Variants in CORO2A observed in about 807,000 individuals in gnomAD.
CORO2A encodes coronin-2A.
Under a neutral mutation model 62.4 loss-of-function variants are expected in CORO2A, and 47 were observed. That is an observed-to-expected ratio of 0.75 (90% CI 0.60 to 0.96). The LOEUF (loss-of-function observed/expected upper bound fraction) is 0.96. Among genes scored for constraint, CORO2A ranks in the 40% least tolerant of loss-of-function variants. CORO2A has a pLI of 0.00. For synonymous variants in CORO2A, 273 were observed against 268.9 expected, an observed-to-expected ratio of 1.02 and a Z score of -0.15; for missense variants, 610 against 684.1, an observed-to-expected ratio of 0.89 and a Z score of 1.21.
chr9:98,168,821 C>T (rs1277745159), intron 1 of CORO2A, among the ~76,000 whole-genome samples: 3 of 152,210 alleles, frequency 2.0e-5, no homozygotes, highest in South Asian at 2.1e-4. Flanking sequence ...CCAAGTGGCT[C>T]GTGAGAGTTC....
At chr9:98,148,394 C>CAAAAA (rs34087370) in intron 2 of CORO2A, among the ~76,000 whole-genome samples, 1 of 104,014 alleles carries the variant, frequency 9.6e-6, no homozygotes, top group African/African-American at 3.7e-5. Flanking sequence ...GACTCCATCT[C>CAAAAA]AAAAAAAAAA....
At chr9:98,164,406 A>G (rs536204727) in intron 1 of CORO2A, among the ~76,000 whole-genome samples, 1 of 152,208 alleles carries the variant, frequency 6.6e-6, no homozygotes, top group Non-Finnish European at 1.5e-5. Flanking sequence ...TCAGTCATCC[A>G]GAATCCTTAT....
intron 9 of CORO2A, 75 bp downstream of exon 9, chr9:98,128,532 G>T: frequency 2.2e-6 from 3 of 1,334,698 alleles, no homozygotes; most frequent in Non-Finnish European, 2.2e-6. Flanking sequence ...AGGCTCTGGT[G>T]CCCGACAGCC....
intron 3 of CORO2A, 112 bp downstream of exon 3, chr9:98,137,455 GACCTC>G (rs1224514340): frequency 1.2e-6 from 1 of 814,940 alleles, no homozygotes; most frequent in East Asian, 2.4e-5. Flanking sequence ...CCCACACAGT[GACCTC>G]ACCTCCGCGA....
At chr9:98,177,867 G>A (rs1828129726) in intron 1 of CORO2A, among the ~76,000 whole-genome samples, 1 of 152,072 alleles carries the variant, frequency 6.6e-6, no homozygotes. Flanking sequence ...CAGAGTGACT[G>A]TAAATATCTA....
At chr9:98,191,968 C>T (rs1004469942) in intron 1 of CORO2A, among the ~76,000 whole-genome samples, 2 of 152,210 alleles carry the variant, frequency 1.3e-5, no homozygotes, top group African/African-American at 2.4e-5. Flanking sequence ...CGCCAGGAGT[C>T]CAGCCACCTC....
chr9:98,125,770 C>A (rs1440991521), intron 11 of CORO2A, among the ~76,000 whole-genome samples: 1 of 126,916 alleles, frequency 7.9e-6, no homozygotes, highest in Admixed American at 9.7e-5. Context: ...CAGGCTGGAG[C>A]GCAGTGGTGT....
intron 2 of CORO2A, among the ~76,000 whole-genome samples, chr9:98,147,599 G>C (rs2093392600): frequency 6.6e-6 from 1 of 152,172 alleles, no homozygotes; most frequent in African/African-American, 2.4e-5. Context: ...GTCAGATTTA[G>C]CAAGTAAAAC....
chr9:98,155,079 AT>A (rs1218130198), intron 2 of CORO2A, among the ~76,000 whole-genome samples: 1 of 152,134 alleles, frequency 6.6e-6, no homozygotes, highest in Non-Finnish European at 1.5e-5. Flanking sequence ...ACTTGCTGTC[AT>A]TTACTAGTGT....
chr9:98,139,898 T>C (rs1259329965), intron 2 of CORO2A, among the ~76,000 whole-genome samples: 1 of 152,210 alleles, frequency 6.6e-6, no homozygotes, highest in African/African-American at 2.4e-5. Context: ...TGAGAATTCC[T>C]GTATAGGTGC....
chr9:98,125,964 C>T (rs1353645340), intron 11 of CORO2A, among the ~76,000 whole-genome samples: 3 of 151,818 alleles, frequency 2.0e-5, no homozygotes, highest in Non-Finnish European at 4.4e-5. Flanking sequence ...GAGATCCACC[C>T]GCCTTGGCCT....
chr9:98,159,313 G>A (rs1001889759), intron 1 of CORO2A, among the ~76,000 whole-genome samples: 2 of 152,096 alleles, frequency 1.3e-5, no homozygotes, highest in African/African-American at 2.4e-5. Flanking sequence ...CCTCTCAAAG[G>A]TTGGGATTAA....
intron 1 of CORO2A, among the ~76,000 whole-genome samples, chr9:98,190,929 G>A (rs1253434569): frequency 6.6e-6 from 1 of 152,212 alleles, no homozygotes; most frequent in Admixed American, 6.5e-5. Context: ...TGGCCGCAGG[G>A]CAAGGTCATA....
intron 2 of CORO2A, among the ~76,000 whole-genome samples, chr9:98,141,661 A>G (rs936982251): frequency 1.3e-5 from 2 of 151,994 alleles, no homozygotes; most frequent in Admixed American, 6.5e-5. Context: ...GCTGCCAATG[A>G]CCTCTTGCTT....
intron 3 of CORO2A, among the ~76,000 whole-genome samples, chr9:98,136,187 C>T (rs1827484576): frequency 6.6e-6 from 1 of 152,242 alleles, no homozygotes; most frequent in African/African-American, 2.4e-5. Context: ...TCAAAGCAGT[C>T]CTGAAAAGGC....
intron 2 of CORO2A, among the ~76,000 whole-genome samples, chr9:98,151,522 G>C (rs1162955842): frequency 6.6e-6 from 1 of 152,012 alleles, no homozygotes; most frequent in Non-Finnish European, 1.5e-5. Context: ...TCTGATTCTT[G>C]TATCCACTAC....
chr9:98,183,886 G>A (rs570876368), intron 1 of CORO2A, among the ~76,000 whole-genome samples: 54 of 152,284 alleles, frequency 3.5e-4, no homozygotes, highest in African/African-American at 1.2e-3. Flanking sequence ...ACTTGAACCC[G>A]GGAGGCGGAG....
At chr9:98,139,320 C>T (rs1484500592) in intron 2 of CORO2A, among the ~76,000 whole-genome samples, 2 of 151,962 alleles carry the variant, frequency 1.3e-5, no homozygotes, top group African/African-American at 2.4e-5. Flanking sequence ...GACAAAACCC[C>T]GTCTCTACAA....
At chr9:98,149,962 C>T (rs1226585092) in intron 2 of CORO2A, among the ~76,000 whole-genome samples, 1 of 151,268 alleles carries the variant, frequency 6.6e-6, no homozygotes, top group African/African-American at 2.4e-5. Flanking sequence ...GAGTCTCGCA[C>T]TGTTGCCTGG....
Sources: allele counts gnomAD v4.1 joint callset (sites outside exome capture counted in the v4.1 genomes callset), GRCh38; gene constraint gnomAD v4.1.1; transcripts MANE v1.5; gene names NCBI Gene and HGNC (gene_info 2026-07-23, HGNC 2026-07-21).